Variants in SLC25A35 observed in about 807,000 individuals in gnomAD.
SLC25A35 encodes solute carrier family 25 member 35.
In SLC25A35, 32 loss-of-function variants were observed where a neutral mutation model predicts 30.5. That is an observed-to-expected ratio of 1.05 (90% CI 0.79 to 1.41). The LOEUF (loss-of-function observed/expected upper bound fraction) is 1.41. SLC25A35 is among the 40% of genes most tolerant of loss of function. The pLI is 0.00. For missense variants in SLC25A35, 369 were observed against 388.0 expected (o/e 0.95, Z 0.41); for synonymous variants, 142 against 158.1 (o/e 0.90, Z 0.77).
chr17:8,293,850 C>T (rs1207476273), intron 1 of SLC25A35, among the ~76,000 whole-genome samples: 3 of 150,096 alleles, frequency 2.0e-5, no homozygotes, highest in East Asian at 3.9e-4. Flanking sequence ...CGCGCCCGGC[C>T]AACAACTAGT....
Position 8,295,183 on chromosome 17 carries a change from G to A in SLC25A35, c.-376C>T, listed in dbSNP as rs1990777311. On this transcript the variant is annotated 5_prime_UTR_variant, in exon 1 of 5. Coordinates refer to ENST00000577745, the MANE Select transcript of SLC25A35 (RefSeq NM_001320870.2). ...GCGGGGTTGGGAGATGGAAGCCAGGGAGGCAGGAAGAAGAAAGCCAGCAAG... is the reference window on the plus strand; with the variant it reads ...GCGGGGTTGGGAGATGGAAGCCAGGAAGGCAGGAAGAAGAAAGCCAGCAAG... 6.9e-6 allele frequency: 7 copies of A among 1,019,962 alleles called. No homozygotes were observed. The highest frequency in any genetic ancestry group is 8.2e-6 in the Non-Finnish European group (7 of 852,504). 63.2% of individuals were successfully genotyped at this position (1,019,962 alleles called of 1,614,324 possible).
At chr17:8,288,953 C>G (rs1162831564), downstream of SLC25A35, 2 of 1,614,112 alleles carry the variant, frequency 1.2e-6, no homozygotes, top group East Asian at 2.2e-5. Context: ...CGCCTCACTC[C>G]AGCGACCTCC....
Position 8,290,112 on chromosome 17 carries a change from A to T in SLC25A35, c.*393T>A, listed in dbSNP as rs371800882. 68 of 1,489,430 alleles carry T rather than the reference A, an allele frequency of 4.6e-5. No individual in the cohort carries two copies. The African/African-American group carries it at 7.7e-4, about 17-fold the overall frequency. The allele number at this position is 1,489,430 out of a possible 1,614,324, so 92.3% of individuals were successfully genotyped here. Reference sequence around the variant, plus strand: ...ATATAATCTCTGTGCCTTTGAATCTAACAGGACACCTGGGTCCCAGACGCC... The same window carrying T: ...ATATAATCTCTGTGCCTTTGAATCTTACAGGACACCTGGGTCCCAGACGCC... On this transcript the variant is annotated 3_prime_UTR_variant, in exon 5 of 5. Transcript: ENST00000577745.
chr17:8,290,545 C>T lies in SLC25A35; in HGVS notation c.863G>A (p.Trp288Ter), dbSNP rs1267765282. The T allele has an allele frequency of 3.9e-6, 6 of 1,535,920 alleles. No individual in the cohort carries two copies. Among genetic ancestry groups the T allele is most frequent in the African/African-American group, 1.4e-5 (1 of 72,970 alleles). Reference sequence around the variant, plus strand: ...GTAGTAGAGGGAGCGCAGCTGGTCCCAGAAGAAGAGGGAGAGGATGGTGTG... The same window carrying T: ...GTAGTAGAGGGAGCGCAGCTGGTCCTAGAAGAAGAGGGAGAGGATGGTGTG... Reference protein sequence around the residue: ...GPHTILSLFFWDQLRSLYYTD... With the variant: ...GPHTILSLFF The change falls in exon 5 of 5, where the codon TGG becomes TAG. Residue 288 changes from tryptophan (W) to a stop codon, truncating the protein, a stop_gained. Coordinates refer to ENST00000577745, the MANE Select transcript of SLC25A35 (RefSeq NM_001320870.2). LOFTEE classifies it high-confidence loss of function.
In SLC25A35 at chr17:8,295,057, G is replaced by T. The variant is rs534730472; in HGVS notation, c.-250C>A. On this transcript the variant is annotated 5_prime_UTR_variant, in exon 1 of 5. Transcript: ENST00000577745. ...AGGAGATTCTGGTGAGAAGCTTAAGGCAGGACCCTCTGAGGTCAAGGAGGG... is the reference window on the plus strand; with the variant it reads ...AGGAGATTCTGGTGAGAAGCTTAAGTCAGGACCCTCTGAGGTCAAGGAGGG... 2.8e-4 allele frequency: 367 copies of T among 1,294,712 alleles called. 1 individual carries two copies. The African/African-American group carries it at 5.2e-3, about 18-fold the overall frequency. The allele number at this position is 1,294,712 out of a possible 1,614,324, so 80.2% of individuals were successfully genotyped here.
chr17:8,294,486 C>T lies in SLC25A35; in HGVS notation c.322G>A (p.Ala108Thr), dbSNP rs1246309821. 1.2e-6 allele frequency: 2 copies of T among 1,610,068 alleles called. No homozygotes were observed. Among genetic ancestry groups the T allele is most frequent in the African/African-American group, 2.7e-5 (2 of 74,942 alleles). The change falls in exon 1 of 5, where the codon GCT becomes ACT. Residue 108 changes from alanine (A) to threonine (T), a missense_variant. By Grantham distance (58) the Ala-to-Thr change is moderately conservative. Coordinates refer to ENST00000577745, the MANE Select transcript of SLC25A35 (RefSeq NM_001320870.2). ...CCCATGACCCCAGCCATGGCCCCAG[C>T]TGCTGCGCTGCGGGCAGGACTGTGG... ...GTHSPARSAAAGAMAGVMGAY... is the reference protein window; with the variant it reads ...GTHSPARSAATGAMAGVMGAY...
In SLC25A35 at chr17:8,294,421, C is replaced by A. The variant is rs759895551; in HGVS notation, c.375+12G>T. Reference sequence around the variant, plus strand: ...CTGCCCTGAAGGTCCCAGGCAAGAGCCCTCTTCTTACCATGTAGATGGGGC... The same window carrying A: ...CTGCCCTGAAGGTCCCAGGCAAGAGACCTCTTCTTACCATGTAGATGGGGC... On this transcript the variant is annotated intron_variant, in intron 1 of 4. Coordinates refer to ENST00000577745, the MANE Select transcript of SLC25A35 (RefSeq NM_001320870.2). The A allele has an allele frequency of 6.4e-7, 1 of 1,553,562 alleles. No homozygotes were observed. Among genetic ancestry groups the A allele is most frequent in the African/African-American group, 1.4e-5 (1 of 73,014 alleles).
In SLC25A35 at chr17:8,290,259, C is replaced by G. The variant is rs1244814211; in HGVS notation, c.*246G>C. The stretch of plus-strand genomic sequence containing the variant: ...GGAGGAAATACACTTTGGGATGACT[C>G]GTTCAGCCCTGAGAGAGGGGTGTGA... On this transcript the variant is annotated 3_prime_UTR_variant, in exon 5 of 5. Coordinates refer to ENST00000577745, the MANE Select transcript of SLC25A35 (RefSeq NM_001320870.2). 1 of 1,423,582 alleles carries G rather than the reference C, an allele frequency of 7.0e-7. No homozygotes were observed. Among genetic ancestry groups the G allele is most frequent in the Admixed American group, 2.9e-5 (1 of 34,402 alleles). 88.2% of individuals were successfully genotyped at this position (1,423,582 alleles called of 1,614,324 possible).
intron 2 of SLC25A35, 110 bp downstream of exon 2, chr17:8,292,413 G>T (rs1266836064): frequency 9.3e-7 from 1 of 1,077,130 alleles, no homozygotes; most frequent in Non-Finnish European, 1.4e-6. Context: ...GGACAGAACC[G>T]ATGGGTTGAG....
chr17:8,288,974 G>A, downstream of SLC25A35: 1 of 1,614,134 alleles, frequency 6.2e-7, no homozygotes, highest in Non-Finnish European at 8.5e-7. Flanking sequence ...GACCGGTCCC[G>A]GACAATCAAG....
downstream of SLC25A35, chr17:8,288,251 T>C (rs1212976092): frequency 3.4e-5 from 6 of 174,720 alleles, no homozygotes; most frequent in Non-Finnish European, 5.0e-5. Flanking sequence ...CTGGGCAAGA[T>C]TGGGAGACAC....
intron 3 of SLC25A35, 41 bp downstream of exon 3, chr17:8,291,284 TCCCCTTCC>T (rs768055230): frequency 6.2e-7 from 1 of 1,604,022 alleles, no homozygotes; most frequent in South Asian, 1.1e-5. Context: ...CAGCTTGCCC[TCCCCTTCC>T]CCCCTTCCCG....
downstream of SLC25A35, chr17:8,288,455 A>G (rs970846419): frequency 7.1e-5 from 29 of 410,404 alleles, no homozygotes; most frequent in Non-Finnish European, 1.0e-4. Flanking sequence ...CAATCAATCA[A>G]TCAATCAAGA....
In SLC25A35 at chr17:8,294,698, C is replaced by T; in HGVS notation, c.110G>A (p.Gly37Asp). 1.2e-6 allele frequency: 2 copies of T among 1,614,162 alleles called. No homozygotes were observed. The highest frequency in any genetic ancestry group is 1.1e-5 in the South Asian group (1 of 91,086). Residue 37 changes from glycine (G) to aspartate (D), a missense_variant, in exon 1 of 5, where the codon GGC (glycine) becomes GAC (aspartate). Transcript: ENST00000577745. Reference protein sequence around the residue: ...MQLQGELQAPGTYQRHYRNVF... With the variant: ...MQLQGELQAPDTYQRHYRNVF... ...ATTTCGGTAGTGCCGCTGGTATGTGCCAGGGGCCTGCAGTTCTCCTTGCAA... is the reference window on the plus strand; with the variant it reads ...ATTTCGGTAGTGCCGCTGGTATGTGTCAGGGGCCTGCAGTTCTCCTTGCAA...
intron 2 of SLC25A35, 82 bp downstream of exon 2, chr17:8,292,441 T>C (rs955341433): frequency 2.9e-6 from 4 of 1,360,154 alleles, no homozygotes; most frequent in African/African-American, 1.4e-5. Flanking sequence ...GTGGCTGGGA[T>C]TGGATCTGTT....
At chr17:8,289,291 G>A, downstream of SLC25A35, 2 of 1,613,974 alleles carry the variant, frequency 1.2e-6, no homozygotes, top group African/African-American at 1.3e-5. Context: ...GCGTGCAGGG[G>A]GCTAGGGCTG....
Position 8,294,041 on chromosome 17 carries a change from G to C in SLC25A35, c.375+392C>G, listed in dbSNP as rs775354192. On this transcript the variant is annotated intron_variant, in intron 1 of 4. Transcript: ENST00000577745. ...TGCCATTCTCCTGCCTCAGCCTCCC[G>C]AGTAGCTGGGACTACAGGCGCCCAC... 1.1e-3 allele frequency among the ~76,000 whole-genome samples: 156 copies of C among 147,476 alleles called. 2 individuals are homozygous for C. Among genetic ancestry groups the C allele is most frequent in the Admixed American group, 2.3e-3 (34 of 14,680 alleles).
chr17:8,291,561 G>A lies in SLC25A35; in HGVS notation c.442-76C>T. ...CTGCCATCCTAACACTGCCAAGGAT[G>A]GGTCCTTAATAGGAATCTCTTGTCC... On this transcript the variant is annotated intron_variant, in intron 2 of 4. Coordinates refer to ENST00000577745, the MANE Select transcript of SLC25A35 (RefSeq NM_001320870.2). The A allele has an allele frequency of 4.0e-6, 6 of 1,504,116 alleles. No homozygotes were observed. In the South Asian group the frequency reaches 6.4e-5, roughly 16 times the overall value. 93.2% of individuals were successfully genotyped at this position (1,504,116 alleles called of 1,614,324 possible).
chr17:8,288,881 C>A, downstream of SLC25A35: 1 of 1,614,158 alleles, frequency 6.2e-7, no homozygotes, highest in Non-Finnish European at 8.5e-7. Context: ...AAGGCCGGGG[C>A]GCCCAGGGGC....
Sources: allele counts gnomAD v4.1 joint callset (sites outside exome capture counted in the v4.1 genomes callset), GRCh38; gene constraint gnomAD v4.1.1; transcripts MANE v1.5; gene names NCBI Gene and HGNC (gene_info 2026-07-23, HGNC 2026-07-21).